ENTREP3: variants seen among roughly 807,000 people sequenced by gnomAD.
ENTREP3 encodes the protein endosomal transmembrane epsin interactor 3.
the ENTREP3 span, chr1:155,251,573 G>C: frequency 6.2e-7 from 1 of 1,613,856 alleles, no homozygotes; most frequent in Non-Finnish European, 8.5e-7. Context: ...AAGGGCACTG[G>C]GCTGTCCATG....
chr1:155,253,128 C>T, the ENTREP3 span: 1 of 153,928 alleles, frequency 6.5e-6, no homozygotes, highest in South Asian at 2.0e-4. Context: ...AGGATAGTCT[C>T]GATCTCCTGA....
the ENTREP3 span, chr1:155,251,843 T>C: frequency 1.3e-6 from 2 of 1,536,048 alleles, no homozygotes; most frequent in Non-Finnish European, 1.7e-6. Flanking sequence ...GGAGAGGGGC[T>C]GGGGGCGGGG....
chr1:155,250,800 A>G, the ENTREP3 span: 2 of 1,607,678 alleles, frequency 1.2e-6, no homozygotes, highest in Non-Finnish European at 1.7e-6. The surrounding 1 kb of genome is among the most constrained non-coding windows in gnomAD (Gnocchi z 5.4). Context: ...TGACAGCACC[A>G]GAGACCCGCT....
chr1:155,251,950 A>T, the ENTREP3 span: 1 of 1,351,940 alleles, frequency 7.4e-7, no homozygotes, highest in Non-Finnish European at 9.7e-7. Flanking sequence ...TTCTGGGAAT[A>T]CAGCTCCTCC....
chr1:155,247,610 G>A, the ENTREP3 span: 1 of 739,244 alleles, frequency 1.4e-6, no homozygotes, highest in Non-Finnish European at 2.5e-6. Flanking sequence ...CCAGTCCAGA[G>A]CAGCAGAGGC....
chr1:155,248,178 G>A, the ENTREP3 span: 1 of 1,611,968 alleles, frequency 6.2e-7, no homozygotes, highest in Non-Finnish European at 8.5e-7. Flanking sequence ...GCAGGTGCAG[G>A]GCCCGAGGGC....
At chr1:155,250,662 C>A in the ENTREP3 span, 2 of 1,612,250 alleles carry the variant, frequency 1.2e-6, no homozygotes, top group South Asian at 2.2e-5. This position sits in a 1 kb window ranked among gnomAD's most constrained non-coding sequence, Gnocchi z 5.4. Flanking sequence ...CAGGCTGAGG[C>A]AGTAGCCGGC....
the ENTREP3 span, chr1:155,255,136 C>G: frequency 1.7e-6 from 1 of 576,512 alleles, no homozygotes; most frequent in Non-Finnish European, 3.1e-6. This position sits in a 1 kb window ranked among gnomAD's most constrained non-coding sequence, Gnocchi z 5.6. Flanking sequence ...ACGATGAGGA[C>G]GCGGGGGCAC....
chr1:155,247,637 C>A, the ENTREP3 span: 1 of 816,528 alleles, frequency 1.2e-6, no homozygotes. Context: ...CAAGAGACCC[C>A]AGAGGTAGGA....
chr1:155,254,633 CA>C, the ENTREP3 span: 1 of 1,604,478 alleles, frequency 6.2e-7, no homozygotes, highest in Non-Finnish European at 8.5e-7. This position sits in a 1 kb window ranked among gnomAD's most constrained non-coding sequence, Gnocchi z 4.4. Flanking sequence ...CCCCACCCAA[CA>C]ACTGTGCACC....
At chr1:155,255,119 C>G in the ENTREP3 span, 1 of 582,654 alleles carries the variant, frequency 1.7e-6, no homozygotes, top group South Asian at 2.0e-5. This position sits in a 1 kb window ranked among gnomAD's most constrained non-coding sequence, Gnocchi z 5.6. Context: ...GCACCGTGCC[C>G]GGGGCGACGA....
the ENTREP3 span, chr1:155,253,642 G>A: frequency 6.2e-7 from 1 of 1,613,818 alleles, no homozygotes; most frequent in South Asian, 1.1e-5. Flanking sequence ...ACGAGGTCCA[G>A]GGAGAAGATT....
the ENTREP3 span, chr1:155,251,861 G>T: frequency 6.6e-7 from 1 of 1,514,728 alleles, no homozygotes. Context: ...GGGACGTGCA[G>T]CCCAGAGGTC....
chr1:155,255,302 G>T, the ENTREP3 span: 117 of 224,038 alleles, frequency 5.2e-4, no homozygotes, highest in African/African-American at 2.6e-3. This position sits in a 1 kb window ranked among gnomAD's most constrained non-coding sequence, Gnocchi z 5.6. Flanking sequence ...TCGGCGTGGG[G>T]TGACTCTAGA....
the ENTREP3 span, chr1:155,254,854 G>T: frequency 6.3e-7 from 1 of 1,579,536 alleles, no homozygotes. The surrounding 1 kb of genome is among the most constrained non-coding windows in gnomAD (Gnocchi z 4.4). Context: ...GCGAGCGGCT[G>T]GAGTCACTAG....
chr1:155,251,462 C>G, the ENTREP3 span: 3 of 1,486,996 alleles, frequency 2.0e-6, no homozygotes, highest in Non-Finnish European at 2.8e-6. Context: ...AGGCTACAAC[C>G]CGGCTCCCCA....
At chr1:155,249,048 T>C in the ENTREP3 span, among the ~76,000 whole-genome samples, 1 of 151,866 alleles carries the variant, frequency 6.6e-6, no homozygotes, top group Non-Finnish European at 1.5e-5. Context: ...TCGAGTACAA[T>C]GCCTATGGCT....
At chr1:155,252,728 T>A in the ENTREP3 span, 45 of 69,620 alleles carry the variant, frequency 6.5e-4, no homozygotes, top group South Asian at 2.3e-3. Context: ...ATATATTTTT[T>A]TTTTTTTTTT....
the ENTREP3 span, chr1:155,250,265 A>AG: frequency 1.3e-6 from 2 of 1,543,832 alleles, no homozygotes; most frequent in Non-Finnish European, 1.7e-6. This position sits in a 1 kb window ranked among gnomAD's most constrained non-coding sequence, Gnocchi z 5.4. Flanking sequence ...GCAGTCGGGG[A>AG]GGGGGCTCAC....
Sources: gnomAD v4.1 joint callset for allele counts (sites outside exome capture counted in the v4.1 genomes callset) on GRCh38, gnomAD v4.1.1 for gene constraint, Gnocchi (gnomAD v3.1) non-coding constraint, MANE v1.5 for transcripts, NCBI Gene and HGNC (gene_info 2026-07-23, HGNC 2026-07-21) for gene names.